DNMBP: variants seen among roughly 807,000 people sequenced by gnomAD.
DNMBP encodes dynamin binding protein.
DNMBP carries 87 observed loss-of-function variants against 150.0 expected under a neutral mutation model. The observed-to-expected ratio is 0.58, with a 90% confidence interval of 0.49 to 0.69. The LOEUF (loss-of-function observed/expected upper bound fraction) is 0.69, where lower values mean the gene tolerates loss of function less well. Ranked by LOEUF, DNMBP falls within the 30% of genes least tolerant of loss-of-function variation. The pLI is 0.00. For missense variants in DNMBP, 1,774 were observed against 1,949.0 expected (o/e 0.91, Z 1.69); for synonymous variants, 711 against 750.4 (o/e 0.95, Z 0.86).
chr10:99,882,537 T>C (rs1314591329), intron 15 of DNMBP, among the ~76,000 whole-genome samples: 2 of 152,234 alleles, frequency 1.3e-5, no homozygotes, highest in Middle Eastern at 3.4e-3. Context: ...TGAGCCAAGA[T>C]TGTGCCCCTA....
chr10:99,993,260 A>G (rs1163852144), intron 1 of DNMBP, among the ~76,000 whole-genome samples: 1 of 152,156 alleles, frequency 6.6e-6, no homozygotes, highest in African/African-American at 2.4e-5. Context: ...TCTGGTATTT[A>G]ATATGTTTGA....
chr10:99,968,164 T>C (rs995315893), intron 3 of DNMBP, among the ~76,000 whole-genome samples: 3 of 152,184 alleles, frequency 2.0e-5, no homozygotes, highest in African/African-American at 7.2e-5. Context: ...CCACCATGCC[T>C]GGCTAAGTAT....
At chr10:99,967,716 A>G (rs1284482866) in intron 3 of DNMBP, among the ~76,000 whole-genome samples, 1 of 149,650 alleles carries the variant, frequency 6.7e-6, no homozygotes. Context: ...TGTGTACATG[A>G]TTTAAGAAAT....
At chr10:99,947,701 T>C (rs1158934880) in intron 4 of DNMBP, among the ~76,000 whole-genome samples, 1 of 152,188 alleles carries the variant, frequency 6.6e-6, no homozygotes, top group Non-Finnish European at 1.5e-5. Context: ...CAAATCTGCA[T>C]ATGTACTCCC....
intron 1 of DNMBP, among the ~76,000 whole-genome samples, chr10:99,981,937 C>T (rs2133366535): frequency 6.6e-6 from 1 of 152,316 alleles, no homozygotes; most frequent in Middle Eastern, 3.4e-3. Context: ...ATCAGGTAAC[C>T]ATTCCATCCC....
At chr10:99,984,130 A>G (rs1408321643) in intron 1 of DNMBP, among the ~76,000 whole-genome samples, 1 of 152,180 alleles carries the variant, frequency 6.6e-6, no homozygotes, top group Non-Finnish European at 1.5e-5. Context: ...TTTTTAAAAA[A>G]TTACTTCTAT....
intron 1 of DNMBP, among the ~76,000 whole-genome samples, chr10:99,974,210 G>A (rs1274165132): frequency 1.3e-5 from 2 of 152,204 alleles, no homozygotes; most frequent in Non-Finnish European, 2.9e-5. Context: ...ACAAGATTTA[G>A]CATCCTATGC....
chr10:99,955,871 C>T lies in DNMBP; in HGVS notation c.1603G>A (p.Glu535Lys), dbSNP rs2040484948. ...TCTCCCTGTGAATGTGTTGCTGCTTCCATAACAAGCCCTTGGGCTTGCGGA... is the reference window on the plus strand; with the variant it reads ...TCTCCCTGTGAATGTGTTGCTGCTTTCATAACAAGCCCTTGGGCTTGCGGA... ...PGPQAQGLVM[E>K]AATHSQGDGS... Residue 535 changes from glutamate (E) to lysine (K), a missense_variant, in exon 4 of 17, where the codon GAA (glutamate) becomes AAA (lysine). Physicochemically the swap from Glu to Lys is moderately conservative, Grantham distance 56 (BLOSUM62 1). Transcript: ENST00000324109. The T allele has an allele frequency of 3.7e-6, 6 of 1,614,206 alleles. No individual in the cohort carries two copies. Among genetic ancestry groups the T allele is most frequent in the Non-Finnish European group, 5.1e-6 (6 of 1,180,038 alleles).
intron 6 of DNMBP, among the ~76,000 whole-genome samples, chr10:99,904,862 G>A (rs2039801848): frequency 6.6e-6 from 1 of 152,136 alleles, no homozygotes; most frequent in Non-Finnish European, 1.5e-5. Flanking sequence ...ATAATCTAAG[G>A]TATAGTACAC....
At chr10:99,901,599 TCAGAGCTGTGGC>T (rs1388730989) in intron 6 of DNMBP, among the ~76,000 whole-genome samples, 2 of 152,292 alleles carry the variant, frequency 1.3e-5, no homozygotes, top group East Asian at 3.9e-4. Flanking sequence ...ACAATTGCCT[TCAGAGCTGTGGC>T]CTGAACGTGC....
chr10:99,949,608 C>T (rs1165995850), intron 4 of DNMBP, among the ~76,000 whole-genome samples: 1 of 152,094 alleles, frequency 6.6e-6, no homozygotes, highest in Non-Finnish European at 1.5e-5. Context: ...ATCAAAACAC[C>T]TTTTGAGAAA....
At chr10:99,918,340 TAC>T (rs2039989097) in intron 4 of DNMBP, among the ~76,000 whole-genome samples, 1 of 152,114 alleles carries the variant, frequency 6.6e-6, no homozygotes, top group African/African-American at 2.4e-5. Context: ...GTAAATCTAT[TAC>T]AGTTAGGTCC....
chr10:99,953,804 A>G (rs2040449468), intron 4 of DNMBP, among the ~76,000 whole-genome samples: 1 of 150,340 alleles, frequency 6.7e-6, no homozygotes, highest in Admixed American at 6.7e-5. Context: ...ACAGAGTAAG[A>G]CTCTGTCTCA....
At chr10:99,997,479 C>A (rs764022982) in intron 1 of DNMBP, among the ~76,000 whole-genome samples, 9 of 152,238 alleles carry the variant, frequency 5.9e-5, no homozygotes, top group South Asian at 2.1e-4. Flanking sequence ...TTTATGGAGG[C>A]CTGAATAACT....
At chr10:99,973,889 G>A (rs532729293) in intron 1 of DNMBP, among the ~76,000 whole-genome samples, 1 of 152,308 alleles carries the variant, frequency 6.6e-6, no homozygotes, top group Non-Finnish European at 1.5e-5. Context: ...GCTGAGGCAG[G>A]AGAATCACTT....
chr10:99,918,561 G>A (rs1300765829), intron 4 of DNMBP, among the ~76,000 whole-genome samples: 1 of 136,996 alleles, frequency 7.3e-6, no homozygotes, highest in African/African-American at 2.8e-5. Flanking sequence ...CAAATTACAG[G>A]AGTCTGCAAC....
chr10:99,906,643 C>T (rs1045041395), intron 6 of DNMBP, among the ~76,000 whole-genome samples: 1 of 152,160 alleles, frequency 6.6e-6, no homozygotes, highest in African/African-American at 2.4e-5. Flanking sequence ...CATGCCACGT[C>T]GTGAGGAAAG....
At chr10:99,913,800 G>GC (rs2039930353) in intron 4 of DNMBP, among the ~76,000 whole-genome samples, 1 of 152,156 alleles carries the variant, frequency 6.6e-6, no homozygotes, top group Non-Finnish European at 1.5e-5. Flanking sequence ...AAAGAGCAGA[G>GC]CCATGCGCCC....
At chr10:99,923,345 C>G (rs551152953) in intron 4 of DNMBP, among the ~76,000 whole-genome samples, 1 of 151,914 alleles carries the variant, frequency 6.6e-6, no homozygotes, top group African/African-American at 2.4e-5. Flanking sequence ...GAGATCACAC[C>G]ACTGTACTGC....
Sources: allele counts gnomAD v4.1 joint callset (sites outside exome capture counted in the v4.1 genomes callset), GRCh38; gene constraint gnomAD v4.1.1; transcripts MANE v1.5; gene names NCBI Gene and HGNC (gene_info 2026-07-23, HGNC 2026-07-21).